The following SLC4A5 variants were observed in gnomAD, a reference collection of about 807,000 sequenced individuals.
The protein encoded by SLC4A5 is electrogenic sodium bicarbonate cotransporter 4.
Under a neutral mutation model 120.4 loss-of-function variants are expected in SLC4A5, and 96 were observed. The observed-to-expected ratio is 0.80, with a 90% confidence interval of 0.68 to 0.94. The LOEUF (loss-of-function observed/expected upper bound fraction) is 0.94. Ranked by LOEUF, SLC4A5 falls within the 40% of genes least tolerant of loss-of-function variation. The pLI is 0.00. For missense variants in SLC4A5, 1,259 were observed against 1,459.5 expected (o/e 0.86, Z 2.24); for synonymous variants, 550 against 571.1 (o/e 0.96, Z 0.53).
intron 5 of SLC4A5, among the ~76,000 whole-genome samples, chr2:74,321,103 T>C (rs1673086186): frequency 1.3e-5 from 2 of 152,194 alleles, no homozygotes; most frequent in African/African-American, 2.4e-5. Flanking sequence ...TCAATGTCAG[T>C]GCCATGTTGG....
chr2:74,256,219 G>C (rs1226274300), intron 12 of SLC4A5, among the ~76,000 whole-genome samples: 1 of 152,216 alleles, frequency 6.6e-6, no homozygotes, highest in Admixed American at 6.5e-5. Flanking sequence ...TGTGGGTTGA[G>C]GGGTCAGAGA....
chr2:74,279,161 T>C (rs1325374955), intron 8 of SLC4A5, among the ~76,000 whole-genome samples: 12 of 152,240 alleles, frequency 7.9e-5, no homozygotes, highest in African/African-American at 2.7e-4. Context: ...CCTTGGCCCA[T>C]GTTCTCCTTA....
intron 7 of SLC4A5, among the ~76,000 whole-genome samples, chr2:74,290,057 G>T (rs1672108843): frequency 6.6e-6 from 1 of 151,518 alleles, no homozygotes; most frequent in African/African-American, 2.4e-5. Context: ...CCCGACCCCA[G>T]CCACAGCAGA....
intron 13 of SLC4A5, 100 bp from the exon 14 acceptor site, chr2:74,254,806 G>GT (rs1670909076): frequency 1.2e-6 from 1 of 858,052 alleles, no homozygotes; most frequent in Non-Finnish European, 1.9e-6. Context: ...CTCTGGCCCT[G>GT]AACAGTATGC....
intron 11 of SLC4A5, among the ~76,000 whole-genome samples, chr2:74,260,986 TTTTGTTTGTTTAGAACCCCC>T: frequency 6.6e-6 from 1 of 152,114 alleles, no homozygotes; most frequent in East Asian, 1.9e-4. Flanking sequence ...CTCCTATTTG[TTTTGTTTGTTTAGAACCCCC>T]TCTTCCTCCT....
chr2:74,311,527 T>C (rs1180859498), intron 6 of SLC4A5, among the ~76,000 whole-genome samples: 1 of 152,246 alleles, frequency 6.6e-6, no homozygotes, highest in East Asian at 1.9e-4. Flanking sequence ...AAAATATTTT[T>C]AAAATTTTCT....
chr2:74,320,445 A>G (rs1385052022), intron 5 of SLC4A5, among the ~76,000 whole-genome samples: 5 of 152,232 alleles, frequency 3.3e-5, no homozygotes, highest in Admixed American at 6.5e-5. Context: ...ACAAGAATTG[A>G]TATCAGATTT....
At position 74,255,543 on chromosome 2, in the gene SLC4A5, T is replaced by C. The variant is rs188730455; in HGVS notation, c.1025+232A>G. Among the ~76,000 whole-genome samples the C allele has an allele frequency of 5.7e-3, 861 of 152,324 alleles. 6 individuals are homozygous for C. The highest frequency in any genetic ancestry group is 6.9e-3 in the Non-Finnish European group (466 of 68,018). Reference sequence around the variant, plus strand: ...CTCCTGACCTCATGATCTGCCCACCTTGGCATCCCAAAGTGCTGGGATTAC... The same window carrying C: ...CTCCTGACCTCATGATCTGCCCACCCTGGCATCCCAAAGTGCTGGGATTAC... On this transcript the variant is annotated intron_variant, in intron 13 of 30. Coordinates refer to ENST00000394019, the Ensembl canonical transcript of SLC4A5. This position sits in a 1 kb window ranked among gnomAD's most constrained non-coding sequence, Gnocchi z 4.0.
At chr2:74,330,060 A>T (rs72903286) in intron 4 of SLC4A5, among the ~76,000 whole-genome samples, 53,685 of 149,664 alleles carry the variant, frequency 0.36, 16,176 homozygotes, top group East Asian at 0.83. Flanking sequence ...GAGGTATAGA[A>T]GGAGGTGTGT....
At chr2:74,308,720 A>G (rs1018862509) in intron 6 of SLC4A5, among the ~76,000 whole-genome samples, 1 of 150,886 alleles carries the variant, frequency 6.6e-6, no homozygotes, top group African/African-American at 2.5e-5. Flanking sequence ...TTTCAATTTT[A>G]ACAGAGTCCA....
intron 2 of SLC4A5, among the ~76,000 whole-genome samples, chr2:74,340,593 C>T (rs1673601518): frequency 6.6e-6 from 1 of 151,974 alleles, no homozygotes; most frequent in African/African-American, 2.4e-5. Context: ...GAATTTCCTA[C>T]AGGGGTGGAA....
chr2:74,223,439 C>T (rs943812392), intron 28 of SLC4A5, among the ~76,000 whole-genome samples: 1 of 152,212 alleles, frequency 6.6e-6, no homozygotes, highest in African/African-American at 2.4e-5. Context: ...CACAGTTAGC[C>T]TGCTGTCCTA....
intron 25 of SLC4A5, among the ~76,000 whole-genome samples, chr2:74,230,828 C>T (rs929616822): frequency 8.6e-5 from 13 of 151,740 alleles, no homozygotes; most frequent in East Asian, 1.9e-4. Context: ...TGTTTTGAGA[C>T]GGAGTTTCGC....
Position 74,225,369 on chromosome 2 carries a change from G to A in SLC4A5, c.3091-374C>T, listed in dbSNP as rs1694807162. On this transcript the variant is annotated intron_variant, in intron 27 of 30. Coordinates refer to ENST00000394019, the Ensembl canonical transcript of SLC4A5. ...CCAGCACTTTGGGAGGCCGAGGTGG[G>A]CAGATCGCCTGAGGTCAGGAGTTTA... is the stretch of plus-strand genomic sequence containing the variant. Among the ~76,000 whole-genome samples the A allele has an allele frequency of 2.0e-5, 3 of 152,264 alleles. No individual in the cohort carries two copies. The South Asian group carries it at 6.2e-4, about 32-fold the overall frequency.
intron 28 of SLC4A5, 59 bp from the exon 29 acceptor site, chr2:74,223,011 T>C (rs1694710295): frequency 4.2e-6 from 5 of 1,200,128 alleles, no homozygotes; most frequent in East Asian, 5.0e-5. Flanking sequence ...GGCTTTCTTT[T>C]TTTTTTTTTT....
chr2:74,242,722 A>G (rs910276080), intron 19 of SLC4A5, among the ~76,000 whole-genome samples: 1 of 152,066 alleles, frequency 6.6e-6, no homozygotes, highest in African/African-American at 2.4e-5. Context: ...GCGTGATCTT[A>G]GCTCACTGCA....
chr2:74,300,004 G>A (rs1344843754), intron 7 of SLC4A5, among the ~76,000 whole-genome samples: 1 of 152,134 alleles, frequency 6.6e-6, no homozygotes, highest in East Asian at 1.9e-4. Flanking sequence ...AGAAAATGTG[G>A]CATATACAAA....
chr2:74,343,121 C>T (rs563409938), intron 1 of SLC4A5, among the ~76,000 whole-genome samples: 2 of 152,194 alleles, frequency 1.3e-5, no homozygotes, highest in Non-Finnish European at 2.9e-5. Context: ...CTCGTCATTC[C>T]GTTACTTGTC....
chr2:74,255,068 G>A lies in SLC4A5; in HGVS notation c.1026-362C>T, dbSNP rs557117713. ...ACTCCTGGGCTCGAGCAATTCACCC[G>A]CCTTGGCCTCCCAGAGTGCTGGGAT... On this transcript the variant is annotated intron_variant, in intron 13 of 30. Coordinates refer to ENST00000394019, the Ensembl canonical transcript of SLC4A5. The surrounding 1 kb of genome is among the most constrained non-coding windows in gnomAD (Gnocchi z 4.0). Among the ~76,000 whole-genome samples, 51 of 151,998 alleles carry A rather than the reference G, an allele frequency of 3.4e-4. No homozygotes were observed. Among genetic ancestry groups the A allele is most frequent in the Non-Finnish European group, 6.2e-4 (42 of 67,952 alleles).
Sources: allele counts gnomAD v4.1 joint callset (sites outside exome capture counted in the v4.1 genomes callset), GRCh38; gene constraint gnomAD v4.1.1; non-coding constraint Gnocchi (gnomAD v3.1); transcripts MANE v1.5; gene names NCBI Gene and HGNC (gene_info 2026-07-23, HGNC 2026-07-21).